RORA: variants seen among roughly 807,000 people sequenced by gnomAD.
RORA encodes the protein nuclear receptor ROR-alpha.
RORA carries 7 observed loss-of-function variants against 69.5 expected under a neutral mutation model. The observed-to-expected ratio is 0.10, with a 90% CI of 0.06 to 0.19. The LOEUF is 0.19. RORA is among the 10% of genes least tolerant of loss of function. RORA has a pLI of 1.00. For missense variants in RORA, 457 were observed against 663.0 expected (o/e 0.69, Z 3.41); for synonymous variants, 261 against 240.8 (o/e 1.08, Z -0.78).
At chr15:60,794,012 G>A (rs1279060861) in intron 1 of RORA, among the ~76,000 whole-genome samples, 1 of 152,208 alleles carries the variant, frequency 6.6e-6, no homozygotes, top group Non-Finnish European at 1.5e-5. Flanking sequence ...TCTCCAAGGT[G>A]ACAGGGAAAA....
At position 60,493,949 on chromosome 15, in the gene RORA, T is replaced by TATCACACACACA; in HGVS notation, c.*3505_*3506insTGTGTGTGTGAT. On this transcript the variant is annotated 3_prime_UTR_variant, in exon 11 of 11. Coordinates refer to ENST00000335670, the MANE Select transcript of RORA (RefSeq NM_134261.3). The stretch of plus-strand genomic sequence containing the variant: ...CGCACACACATCATACACATGCAAA[T>TATCACACACACA]CACACACACACACACACACACACAC... 6.9e-6 allele frequency: 1 copy of TATCACACACACA among 144,060 alleles called. No homozygotes were observed. The highest frequency in any genetic ancestry group is 2.6e-5 in the African/African-American group (1 of 38,096). 8.9% of individuals were successfully genotyped at this position (144,060 alleles called of 1,614,324 possible). A position where few individuals can be genotyped will look rare whatever the true frequency, so the allele number is the denominator to read the frequency against.
chr15:60,955,966 A>C lies in RORA; in HGVS notation c.166+273087T>G, dbSNP rs1313818635. On this transcript the variant is annotated intron_variant, in intron 1 of 10. Transcript: ENST00000335670. ...TTTGAGCAGGATGGTATATTATTGA[A>C]AACAGTTAGAAAATAATGAACAACA... Among the ~76,000 whole-genome samples, 2 of 152,236 alleles carry C rather than the reference A, an allele frequency of 1.3e-5. 1 individual carries two copies. Among genetic ancestry groups the C allele is most frequent in the Non-Finnish European group, 2.9e-5 (2 of 68,046 alleles).
chr15:60,734,264 C>G (rs1331007174), intron 1 of RORA, among the ~76,000 whole-genome samples: 1 of 152,122 alleles, frequency 6.6e-6, no homozygotes, highest in Non-Finnish European at 1.5e-5. Flanking sequence ...GAGTCTCTCC[C>G]CAGTCCTACT....
rs2079254702 is a variant in RORA, at chr15:61,137,255, T to G, written c.166+91798A>C. 5.3e-5 allele frequency among the ~76,000 whole-genome samples: 8 copies of G among 152,142 alleles called. No homozygotes were observed. In the South Asian group the frequency reaches 1.4e-3, roughly 28 times the overall value. On this transcript the variant is annotated intron_variant, in intron 1 of 10. Transcript: ENST00000335670. ...TACAAACTCCAACATGTTTTATTTC[T>G]CTCCAGGCTCTTCATCATTCACTCC...
At chr15:61,168,571 A>G (rs762773597) in intron 1 of RORA, among the ~76,000 whole-genome samples, 23 of 151,992 alleles carry the variant, frequency 1.5e-4, no homozygotes, top group Non-Finnish European at 3.1e-4. Flanking sequence ...TGTATTATAT[A>G]TTAATCTTGA....
At chr15:60,902,899 G>C (rs141114619) in intron 1 of RORA, among the ~76,000 whole-genome samples, 22 of 152,312 alleles carry the variant, frequency 1.4e-4, no homozygotes, top group African/African-American at 5.1e-4. Flanking sequence ...GGCGTACTCC[G>C]CTGAAAGGAA....
chr15:60,800,945 T>C (rs1191479318), intron 1 of RORA, among the ~76,000 whole-genome samples: 1 of 152,238 alleles, frequency 6.6e-6, no homozygotes, highest in East Asian at 1.9e-4. Flanking sequence ...TGAGCCTGCA[T>C]TCCCAATACT....
chr15:60,788,859 C>T (rs976942122), intron 1 of RORA, among the ~76,000 whole-genome samples: 3 of 152,218 alleles, frequency 2.0e-5, no homozygotes, highest in East Asian at 1.9e-4. Context: ...TAATTAACTC[C>T]GTCACTGTAT....
At chr15:60,917,799 T>C (rs1461060838) in intron 1 of RORA, among the ~76,000 whole-genome samples, 1 of 152,234 alleles carries the variant, frequency 6.6e-6, no homozygotes, top group African/African-American at 2.4e-5. Flanking sequence ...CCTTATTTCC[T>C]GATGGAAGTG....
intron 1 of RORA, among the ~76,000 whole-genome samples, chr15:60,724,213 T>C (rs752900815): frequency 2.6e-5 from 4 of 152,230 alleles, no homozygotes; most frequent in Admixed American, 6.5e-5. Flanking sequence ...ATTACCCTGC[T>C]AGATCACTAA....
chr15:61,213,739 T>G lies in RORA; in HGVS notation c.166+15314A>C, dbSNP rs968916172. Reference sequence around the variant, plus strand: ...TATCTCTACTATAGCATGCTACATCTTTTTAAAGTAATGTCTTTCTTGCCC... The same window carrying G: ...TATCTCTACTATAGCATGCTACATCGTTTTAAAGTAATGTCTTTCTTGCCC... On this transcript the variant is annotated intron_variant, in intron 1 of 10. Coordinates refer to ENST00000335670, the MANE Select transcript of RORA (RefSeq NM_134261.3). This position sits in a 1 kb window ranked among gnomAD's most constrained non-coding sequence, Gnocchi z 4.1. 41 of 152,336 alleles carry G rather than the reference T, an allele frequency of 2.7e-4. No individual in the cohort carries two copies. Among genetic ancestry groups the G allele is most frequent in the African/African-American group, 9.9e-4 (41 of 41,572 alleles). The allele number at this position is 152,336 out of a possible 1,614,324, so 9.4% of individuals were successfully genotyped here.
At chr15:60,507,086 A>G (rs1044871540) in intron 5 of RORA, among the ~76,000 whole-genome samples, 4 of 152,124 alleles carry the variant, frequency 2.6e-5, no homozygotes, top group African/African-American at 9.7e-5. Context: ...GACCACATAG[A>G]AGGCTGCTAG....
chr15:60,611,938 G>A (rs1024337696), intron 2 of RORA, among the ~76,000 whole-genome samples: 6 of 152,174 alleles, frequency 3.9e-5, no homozygotes, highest in African/African-American at 1.4e-4. Context: ...CTGGCATTCC[G>A]TTTTTCAACC....
intron 1 of RORA, among the ~76,000 whole-genome samples, chr15:60,838,770 C>G (rs1002339700): frequency 1.1e-4 from 16 of 151,794 alleles, no homozygotes; most frequent in Admixed American, 1.3e-4. Flanking sequence ...TCAGTTCCCC[C>G]AGACAATTTT....
intron 1 of RORA, among the ~76,000 whole-genome samples, chr15:61,011,620 T>TA (rs1023796640): frequency 7.9e-4 from 116 of 146,842 alleles, no homozygotes; most frequent in Middle Eastern, 3.4e-3. Flanking sequence ...TCCTACGCAT[T>TA]AAAAAAAAAA....
chr15:61,017,675 GAAGC>G (rs1895349763), intron 1 of RORA, among the ~76,000 whole-genome samples: 1 of 152,178 alleles, frequency 6.6e-6, no homozygotes, highest in Admixed American at 6.6e-5. Context: ...CAAAAACCAG[GAAGC>G]AAGAAGAGAA....
chr15:61,008,204 TGTGTGTGTGTGTG>T (rs1894982210), intron 1 of RORA, among the ~76,000 whole-genome samples: 1 of 14,198 alleles, frequency 7.0e-5, no homozygotes, highest in African/African-American at 1.1e-4. Context: ...TCTCTCTCTC[TGTGTGTGTGTGTG>T]TGTGTGTGTG....
At chr15:60,766,614 C>A (rs1337026913) in intron 1 of RORA, among the ~76,000 whole-genome samples, 1 of 151,604 alleles carries the variant, frequency 6.6e-6, no homozygotes, top group Non-Finnish European at 1.5e-5. Flanking sequence ...TCTCTGCACT[C>A]GCCTATTGTA....
intron 3 of RORA, among the ~76,000 whole-genome samples, chr15:60,519,041 G>A (rs2066064345): frequency 6.6e-6 from 1 of 152,116 alleles, no homozygotes; most frequent in Non-Finnish European, 1.5e-5. Context: ...TATTATTATT[G>A]TTGTTAATCT....
Sources: gnomAD v4.1 joint callset for allele counts (sites outside exome capture counted in the v4.1 genomes callset) on GRCh38, gnomAD v4.1.1 for gene constraint, Gnocchi (gnomAD v3.1) non-coding constraint, MANE v1.5 for transcripts, NCBI Gene and HGNC (gene_info 2026-07-23, HGNC 2026-07-21) for gene names.